The following GRM5 variants were observed in gnomAD, a reference collection of about 807,000 sequenced individuals.
GRM5 encodes the protein glutamate metabotropic receptor 5.
GRM5 carries 19 observed loss-of-function variants against 83.1 expected under a neutral mutation model. That is an observed-to-expected ratio of 0.23 (90% CI 0.16 to 0.34). GRM5 has a LOEUF of 0.34. GRM5 is among the 10% of genes least tolerant of loss of function. The pLI is 1.00. For synonymous variants in GRM5, 675 were observed against 633.6 expected, an observed-to-expected ratio of 1.07 and a Z score of -0.98; for missense variants, 1,160 against 1,588.3, an observed-to-expected ratio of 0.73 and a Z score of 4.58.
At chr11:88,879,623 T>G (rs1944918292) in intron 2 of GRM5, among the ~76,000 whole-genome samples, 1 of 152,024 alleles carries the variant, frequency 6.6e-6, no homozygotes, top group South Asian at 2.1e-4. Flanking sequence ...AGCCATATGT[T>G]TCCAAGATTT....
intron 4 of GRM5, among the ~76,000 whole-genome samples, chr11:88,616,701 T>G (rs970286655): frequency 1.3e-5 from 2 of 152,134 alleles, no homozygotes; most frequent in African/African-American, 4.8e-5. Context: ...AATTGAGAAG[T>G]GAGAAATCAC....
chr11:88,833,484 G>A (rs1339162154), intron 3 of GRM5, among the ~76,000 whole-genome samples: 1 of 152,114 alleles, frequency 6.6e-6, no homozygotes, highest in Non-Finnish European at 1.5e-5. Flanking sequence ...AAAAATAAAA[G>A]ATGCTGGCCA....
intron 3 of GRM5, among the ~76,000 whole-genome samples, chr11:88,666,322 G>T (rs904110355): frequency 6.6e-6 from 1 of 152,284 alleles, no homozygotes; most frequent in African/African-American, 2.4e-5. Context: ...CTAGCTTCTG[G>T]TGAGGGCTTT....
chr11:88,875,078 G>T (rs610527), intron 2 of GRM5, among the ~76,000 whole-genome samples: 92,204 of 145,850 alleles, frequency 0.63, 28,644 homozygotes, highest in South Asian at 0.8. Context: ...CACATGAATT[G>T]ACTGTTTTTT....
chr11:88,696,286 C>T (rs1940900401), intron 3 of GRM5, among the ~76,000 whole-genome samples: 1 of 152,092 alleles, frequency 6.6e-6, no homozygotes, highest in South Asian at 2.1e-4. Flanking sequence ...CCATGTCCAA[C>T]TGCTTGTGTC....
chr11:88,868,845 C>A (rs1163336279), intron 2 of GRM5, among the ~76,000 whole-genome samples: 1 of 151,762 alleles, frequency 6.6e-6, no homozygotes, highest in Non-Finnish European at 1.5e-5. Context: ...CCCCTGTAAT[C>A]AGGGATCTTA....
intron 3 of GRM5, among the ~76,000 whole-genome samples, chr11:88,816,463 T>TG (rs941139763): frequency 9.1e-5 from 13 of 142,386 alleles, no homozygotes; most frequent in Non-Finnish European, 2.0e-4. Context: ...TACTTGAACC[T>TG]GGGAGGCAGA....
At chr11:88,809,587 T>C (rs1053698954) in intron 3 of GRM5, among the ~76,000 whole-genome samples, 1 of 152,058 alleles carries the variant, frequency 6.6e-6, no homozygotes, top group African/African-American at 2.4e-5. Context: ...CCCAGTGATA[T>C]TAAACAACCA....
chr11:88,927,465 A>G (rs924250328), intron 2 of GRM5, among the ~76,000 whole-genome samples: 7 of 152,204 alleles, frequency 4.6e-5, no homozygotes, highest in African/African-American at 1.4e-4. Context: ...ATTATTTAAA[A>G]AGAAGAGTAC....
chr11:88,731,498 G>A (rs1941807423), intron 3 of GRM5, among the ~76,000 whole-genome samples: 1 of 152,012 alleles, frequency 6.6e-6, no homozygotes, highest in Admixed American at 6.6e-5. Context: ...ACATCATGGT[G>A]CAAATGTTCA....
intron 2 of GRM5, among the ~76,000 whole-genome samples, chr11:88,972,351 C>T (rs2135006605): frequency 6.6e-6 from 1 of 152,278 alleles, no homozygotes; most frequent in Middle Eastern, 3.4e-3. Flanking sequence ...AGAGAGCACT[C>T]CTGACTGAAA....
chr11:88,990,819 A>T (rs1372601577), intron 2 of GRM5, among the ~76,000 whole-genome samples: 1 of 151,752 alleles, frequency 6.6e-6, no homozygotes, highest in Admixed American at 6.6e-5. Context: ...ACAACCCTTC[A>T]TGCTAAAAAC....
At chr11:88,797,349 T>G (rs1269631237) in intron 3 of GRM5, among the ~76,000 whole-genome samples, 1 of 152,018 alleles carries the variant, frequency 6.6e-6, no homozygotes. Flanking sequence ...ACCATGTTGA[T>G]CAGGCTGGTC....
At chr11:88,943,861 C>A (rs1431437033) in intron 2 of GRM5, among the ~76,000 whole-genome samples, 4 of 151,988 alleles carry the variant, frequency 2.6e-5, no homozygotes, top group Non-Finnish European at 5.9e-5. Flanking sequence ...TACAAATTCA[C>A]ATTTTCACTA....
At chr11:88,595,462 C>T (rs1937774064) in intron 6 of GRM5, among the ~76,000 whole-genome samples, 1 of 152,134 alleles carries the variant, frequency 6.6e-6, no homozygotes, top group Non-Finnish European at 1.5e-5. Context: ...GTGAGATCAA[C>T]ATTTTTTATC....
At chr11:88,627,114 A>T (rs1938821418) in intron 4 of GRM5, among the ~76,000 whole-genome samples, 1 of 152,236 alleles carries the variant, frequency 6.6e-6, no homozygotes, top group Non-Finnish European at 1.5e-5. Context: ...ATTTAATATT[A>T]TCCCAAATTT....
At chr11:88,801,298 T>G (rs1047773900) in intron 3 of GRM5, among the ~76,000 whole-genome samples, 1 of 152,170 alleles carries the variant, frequency 6.6e-6, no homozygotes, top group Non-Finnish European at 1.5e-5. Context: ...TTTTTATTTG[T>G]GTCTCACTGA....
In GRM5 at chr11:88,672,013, G is replaced by A. The variant is rs1940208425; in HGVS notation, c.912-18610C>T. On this transcript the variant is annotated intron_variant, in intron 3 of 9. Transcript: ENST00000305447. ...GTCAAGAAATTTATAATGCTGACTT[G>A]TAAAATTTCAGCAGCAAATTCTGCT... Among the ~76,000 whole-genome samples the A allele has an allele frequency of 2.0e-5, 3 of 152,088 alleles. No homozygotes were observed. In the South Asian group the frequency reaches 6.2e-4, roughly 32 times the overall value.
chr11:88,967,171 T>C (rs1261918750), intron 2 of GRM5, among the ~76,000 whole-genome samples: 2 of 151,358 alleles, frequency 1.3e-5, no homozygotes, highest in African/African-American at 4.8e-5. Flanking sequence ...AGCCACAATT[T>C]ACCAAACTCA....
Sources: allele counts gnomAD v4.1 joint callset (sites outside exome capture counted in the v4.1 genomes callset), GRCh38; gene constraint gnomAD v4.1.1; transcripts MANE v1.5; gene names NCBI Gene and HGNC (gene_info 2026-07-23, HGNC 2026-07-21).